Variants in C5orf15 observed in about 807,000 individuals in gnomAD.
C5orf15 encodes keratinocyte-associated transmembrane protein 2.
Under a neutral mutation model 17.8 loss-of-function variants are expected in C5orf15, and 10 were observed. That is an observed-to-expected ratio of 0.56 (90% CI 0.35 to 0.95). The LOEUF is 0.95. Ranked by LOEUF, C5orf15 falls within the 40% of genes least tolerant of loss-of-function variation. The pLI is 0.02. For missense variants in C5orf15, 319 were observed against 331.7 expected (o/e 0.96, Z 0.30); for synonymous variants, 124 against 131.0 (o/e 0.95, Z 0.36).
intron 1 of C5orf15, among the ~76,000 whole-genome samples, chr5:133,966,435 AGAGAACC>A (rs1752193542): frequency 6.6e-6 from 1 of 152,328 alleles, no homozygotes; most frequent in South Asian, 2.1e-4. Flanking sequence ...TGGCAAATGT[AGAGAACC>A]AGGCATTTTT....
Position 133,959,623 on chromosome 5 carries a change from T to C in C5orf15, c.537A>G (p.Glu179=). The change falls in exon 2 of 3, where the codon GAA becomes GAG. Residue 179 remains glutamate (E), a synonymous_variant. Transcript: ENST00000231512. The part of the protein sequence containing the change: ...LEENRGYMEI[E]QSVKSFKMPS... ...GCATCTTAAAAGATTTCACTGACTG[T>C]TCAATTTCCATGTAACCCCTGTTTT... 1.2e-6 allele frequency: 2 copies of C among 1,613,420 alleles called. No individual in the cohort carries two copies. The highest frequency in any genetic ancestry group is 1.7e-6 in the Non-Finnish European group (2 of 1,179,794).
chr5:133,959,046 T>G (rs148498499), intron 2 of C5orf15, among the ~76,000 whole-genome samples: 91 of 152,162 alleles, frequency 6.0e-4, no homozygotes, highest in African/African-American at 2.2e-3. Context: ...CTCAATATTT[T>G]ACTATGAATT....
At chr5:133,965,221 C>T (rs1752176158) in intron 1 of C5orf15, among the ~76,000 whole-genome samples, 1 of 152,156 alleles carries the variant, frequency 6.6e-6, no homozygotes, top group African/African-American at 2.4e-5. Context: ...AGCATCTATG[C>T]ACCTACTGCA....
intron 1 of C5orf15, among the ~76,000 whole-genome samples, chr5:133,966,110 A>C (rs1183849563): frequency 6.6e-6 from 1 of 151,716 alleles, no homozygotes; most frequent in Non-Finnish European, 1.5e-5. Context: ...GTCCCAGCAT[A>C]CTCGGGAGGC....
chr5:133,956,061 G>A lies in C5orf15; in HGVS notation c.*798C>T, dbSNP rs934769095. 2.6e-5 allele frequency: 4 copies of A among 152,460 alleles called. No individual in the cohort carries two copies. The highest frequency in any genetic ancestry group is 2.1e-4 in the South Asian group (1 of 4,828). The allele number at this position is 152,460 out of a possible 1,614,324, so 9.4% of individuals were successfully genotyped here. On this transcript the variant is annotated 3_prime_UTR_variant, in exon 3 of 3. Coordinates refer to ENST00000231512, the MANE Select transcript of C5orf15 (RefSeq NM_020199.3). ...TCAAATTTACTGTAAAATAATAAACGAAGTAAACGAATCTGATATAATTTT... is the reference window on the plus strand; with the variant it reads ...TCAAATTTACTGTAAAATAATAAACAAAGTAAACGAATCTGATATAATTTT...
intron 1 of C5orf15, among the ~76,000 whole-genome samples, chr5:133,962,218 G>C (rs1488454728): frequency 6.6e-6 from 1 of 152,154 alleles, no homozygotes; most frequent in East Asian, 1.9e-4. Context: ...CAAGCTGATA[G>C]GGTGGGAATA....
intron 1 of C5orf15, among the ~76,000 whole-genome samples, chr5:133,961,527 C>G (rs1209014243): frequency 2.3e-5 from 3 of 132,402 alleles, no homozygotes; most frequent in African/African-American, 5.8e-5. Context: ...GCCTGGCCGA[C>G]AGAGCAAGAC....
chr5:133,966,271 A>G lies in C5orf15; in HGVS notation c.139+2175T>C, dbSNP rs556145262. On this transcript the variant is annotated intron_variant, in intron 1 of 2. Transcript: ENST00000231512. Reference sequence around the variant, plus strand: ...CTCCCCTTCTACTGGTCCCTTTTTAAAAACTGCCCTAAAATAAAACTATAT... The same window carrying G: ...CTCCCCTTCTACTGGTCCCTTTTTAGAAACTGCCCTAAAATAAAACTATAT... Among the ~76,000 whole-genome samples, 3 of 152,276 alleles carry G rather than the reference A, an allele frequency of 2.0e-5. No individual in the cohort carries two copies. The South Asian group carries it at 6.2e-4, about 32-fold the overall frequency.
At chr5:133,962,409 G>A (rs748981252) in intron 1 of C5orf15, among the ~76,000 whole-genome samples, 2 of 152,128 alleles carry the variant, frequency 1.3e-5, no homozygotes, top group Non-Finnish European at 2.9e-5. Context: ...TGAATCTCAA[G>A]GAGGCACAGT....
Position 133,956,761 on chromosome 5 carries a change from CTCATT to C in C5orf15, c.*93_*97del. 1 of 1,243,172 alleles carries C rather than the reference CTCATT, an allele frequency of 8.0e-7. No individual in the cohort carries two copies. The highest frequency in any genetic ancestry group is 1.1e-6 in the Non-Finnish European group (1 of 920,070). The allele number at this position is 1,243,172 out of a possible 1,614,324, so 77.0% of individuals were successfully genotyped here. A position where few individuals can be genotyped will look rare whatever the true frequency, so the allele number is the denominator to read the frequency against. On this transcript the variant is annotated 3_prime_UTR_variant, in exon 3 of 3. Coordinates refer to ENST00000231512, the MANE Select transcript of C5orf15 (RefSeq NM_020199.3). Reference sequence around the variant, plus strand: ...ACCAAGGCAAAAGAGAGACTCACCTCTCATTTAAGTACCAATTGCCTATGGCAAAC... The same window carrying C: ...ACCAAGGCAAAAGAGAGACTCACCTCTAAGTACCAATTGCCTATGGCAAAC...
In C5orf15 at chr5:133,968,599, G is replaced by A. The variant is rs750499528; in HGVS notation, c.-15C>T. ...GCAGCGGCCATAACGGACTCGGCTG[G>A]GAGCCTGCGCTGTTGCTAGGCTCTA... is the stretch of plus-strand genomic sequence containing the variant. On this transcript the variant is annotated 5_prime_UTR_variant, in exon 1 of 3. Transcript: ENST00000231512. The A allele has an allele frequency of 4.4e-6, 7 of 1,599,652 alleles. No homozygotes were observed. Among genetic ancestry groups the A allele is most frequent in the Non-Finnish European group, 6.0e-6 (7 of 1,173,730 alleles).
chr5:133,961,872 G>A (rs1219682373), intron 1 of C5orf15, among the ~76,000 whole-genome samples: 1 of 151,290 alleles, frequency 6.6e-6, no homozygotes, highest in Non-Finnish European at 1.5e-5. Context: ...CCAAAGTACT[G>A]GGATTACAGT....
chr5:133,957,104 T>C (rs191618165), intron 2 of C5orf15, 114 bp from the exon 3 acceptor site: 1 of 975,140 alleles, frequency 1.0e-6, no homozygotes, highest in East Asian at 2.8e-5. Flanking sequence ...ACACAAAATA[T>C]CAACAACAAA....
chr5:133,959,136 C>T (rs538521340), intron 2 of C5orf15, among the ~76,000 whole-genome samples: 15 of 152,082 alleles, frequency 9.9e-5, no homozygotes, highest in South Asian at 4.2e-4. Context: ...GAGGCCGAGG[C>T]GGGAGGACTG....
At chr5:133,961,319 G>C (rs1752120797) in intron 1 of C5orf15, among the ~76,000 whole-genome samples, 1 of 150,036 alleles carries the variant, frequency 6.7e-6, no homozygotes, top group Non-Finnish European at 1.5e-5. Context: ...GCCGAGGCAG[G>C]CTGAACATGA....
chr5:133,968,297 G>A (rs984656978), intron 1 of C5orf15, 149 bp downstream of exon 1: 3 of 1,071,312 alleles, frequency 2.8e-6, no homozygotes, highest in African/African-American at 3.2e-5. Flanking sequence ...CATACCCTCC[G>A]TCCTCAGGCC....
At position 133,959,643 on chromosome 5, in the gene C5orf15, T is replaced by C. The variant is rs61730679; in HGVS notation, c.517A>G (p.Arg173Gly). 4,240 of 1,613,792 alleles carry C rather than the reference T, an allele frequency of 2.6e-3. 92 individuals carry two copies. The African/African-American group carries it at 0.05, about 19-fold the overall frequency. The change falls in exon 2 of 3, where the codon AGG becomes GGG. Residue 173 changes from arginine (R) to glycine (G), a missense_variant. Transcript: ENST00000231512. ...GACTGTTCAATTTCCATGTAACCCC[T>C]GTTTTCTTCCAAGGTGTCATCAGAC... ...DESDDTLEEN[R>G]GYMEIEQSVK...
chr5:133,959,572 G>A lies in C5orf15; in HGVS notation c.588C>T (p.Asp196=), dbSNP rs1316685376. The A allele has an allele frequency of 7.5e-6, 12 of 1,608,644 alleles. No individual in the cohort carries two copies. The highest frequency in any genetic ancestry group is 1.0e-5 in the Non-Finnish European group (12 of 1,178,136). The change falls in exon 2 of 3, where the codon GAC becomes GAT. Residue 196 remains aspartate (D), a synonymous_variant. Transcript: ENST00000231512. ...KMPSSNIEEE[D]SHFFFHLIIF... ...TAATAAGATGAAAAAAGAAATGGCT[G>A]TCTTCCTCTTCTATATTTGAGGATG...
Position 133,968,478 on chromosome 5 carries a change from G to T in C5orf15, c.107C>A (p.Ala36Glu). ...LVGLARPLVLALLLVSAALSS... is the reference protein window; with the variant it reads ...LVGLARPLVLELLLVSAALSS... ...TAGAGCGGCGGACACAAGCAGGAGCGCCAAGACCAGCGGCCGCGCCAACCC... is the reference window on the plus strand; with the variant it reads ...TAGAGCGGCGGACACAAGCAGGAGCTCCAAGACCAGCGGCCGCGCCAACCC... The change falls in exon 1 of 3, where the codon GCG becomes GAG. Residue 36 changes from alanine to glutamate, a missense_variant. Transcript: ENST00000231512. 6.2e-7 allele frequency: 1 copy of T among 1,603,808 alleles called. No individual in the cohort carries two copies. The highest frequency in any genetic ancestry group is 1.1e-5 in the South Asian group (1 of 89,326).
Sources: allele counts gnomAD v4.1 joint callset (sites outside exome capture counted in the v4.1 genomes callset), GRCh38; gene constraint gnomAD v4.1.1; transcripts MANE v1.5; gene names NCBI Gene and HGNC (gene_info 2026-07-23, HGNC 2026-07-21).